PHLDB3: variants seen among roughly 807,000 people sequenced by gnomAD.
PHLDB3 encodes pleckstrin homology like domain family B member 3.
In PHLDB3, 86 loss-of-function variants were observed where a neutral mutation model predicts 85.7. That is an observed-to-expected ratio of 1.00 (90% confidence interval 0.84 to 1.20). The LOEUF (loss-of-function observed/expected upper bound fraction) is 1.20. PHLDB3 is among the 50% of genes most tolerant of loss of function. The probability of loss-of-function intolerance (pLI) is 0.00; values close to 1 mark genes in which losing one functional copy is unlikely to be tolerated. For missense variants in PHLDB3, 995 were observed against 873.0 expected (o/e 1.14, Z -1.76); for synonymous variants, 376 against 349.8 (o/e 1.07, Z -0.83).
rs781560567 is a variant in PHLDB3 at position 43,494,783 on chromosome 19, C to A, written c.1068G>T (p.Leu356=). ...GGGCCACGGCATCCTGGAGCACCAG[C>A]AGCTGGCGGTCTGTCTTCTGGGTGA... ...LLFTQKTDRQ[L]LVLQDAVAHS... The change falls in exon 9 of 16, where the codon CTG becomes CTT. Residue 356 remains leucine (L), a synonymous_variant. Transcript: ENST00000292140. The A allele has an allele frequency of 1.9e-6, 3 of 1,613,172 alleles. No homozygotes were observed. The highest frequency in any genetic ancestry group is 2.2e-5 in the South Asian group (2 of 90,880).
At chr19:43,495,216 T>C in intron 8 of PHLDB3, 40 bp downstream of exon 8, 1 of 1,583,780 alleles carries the variant, frequency 6.3e-7, no homozygotes, top group South Asian at 1.1e-5. Context: ...CTTTCAAGTC[T>C]GAGGGAGGAG....
At chr19:43,492,660 G>A (rs975592790) in intron 9 of PHLDB3, among the ~76,000 whole-genome samples, 1 of 148,726 alleles carries the variant, frequency 6.7e-6, no homozygotes, top group African/African-American at 2.5e-5. Context: ...AAGAACCTAA[G>A]TTCTGAAAAC....
intron 9 of PHLDB3, among the ~76,000 whole-genome samples, chr19:43,488,474 CAAA>C (rs1307337273): frequency 6.6e-6 from 1 of 151,734 alleles, no homozygotes; most frequent in African/African-American, 2.4e-5. Context: ...ATAAGTAAAA[CAAA>C]AAAACAAAAA....
At chr19:43,495,082 G>A (rs1377012921) in intron 8 of PHLDB3, among the ~76,000 whole-genome samples, 174 bp downstream of exon 8, 2 of 150,592 alleles carry the variant, frequency 1.3e-5, no homozygotes, top group African/African-American at 4.9e-5. Context: ...TGAGAGAGGA[G>A]GGGCTGGGGC....
chr19:43,486,242 CGT>C, intron 13 of PHLDB3, 22 bp downstream of exon 13: 1 of 1,439,286 alleles, frequency 6.9e-7, no homozygotes, highest in Non-Finnish European at 9.4e-7. Context: ...GAGAGGTGGG[CGT>C]GAGGGCGGGG....
intron 13 of PHLDB3, among the ~76,000 whole-genome samples, chr19:43,481,590 C>G (rs1483711291): frequency 2.6e-5 from 4 of 151,680 alleles, no homozygotes; most frequent in Non-Finnish European, 5.9e-5. Flanking sequence ...TGCACTCCAG[C>G]CTTGGCAACA....
chr19:43,491,949 T>C (rs398040830), intron 9 of PHLDB3, among the ~76,000 whole-genome samples: 4 of 133,672 alleles, frequency 3.0e-5, no homozygotes, highest in East Asian at 4.5e-4. Flanking sequence ...CTGGCCGTTT[T>C]TTTTTTTTTG....
At chr19:43,493,311 T>TAAATAAAC (rs1341159257) in intron 9 of PHLDB3, among the ~76,000 whole-genome samples, 3 of 149,034 alleles carry the variant, frequency 2.0e-5, no homozygotes, top group Admixed American at 6.8e-5. Context: ...AATAAATAAA[T>TAAATAAAC]AAATAAAATA....
chr19:43,479,694 C>G, intron 13 of PHLDB3, 101 bp from the exon 14 acceptor site: 5 of 751,302 alleles, frequency 6.7e-6, no homozygotes, highest in Non-Finnish European at 1.1e-5. Flanking sequence ...CATGTAAGGC[C>G]CGCTACAGCC....
Position 43,503,927 on chromosome 19 carries a change from G to A in PHLDB3, c.192C>T (p.Ser64=). Residue 64 remains serine, a synonymous_variant, in exon 2 of 16, where the codon AGC becomes AGT. Coordinates refer to ENST00000292140, the MANE Select transcript of PHLDB3 (RefSeq NM_198850.4). ...TCACCGCGTCGCGGCTGCTCTCAGT[G>A]CTGCTGCCTTCTCCCACTTCTTCTT... ...AEEEEVGEGS[S]TESSRDAPEA... is the part of the protein sequence containing the mutation. 6.2e-7 allele frequency: 1 copy of A among 1,613,874 alleles called. No individual in the cohort carries two copies.
Position 43,481,428 on chromosome 19 carries a change from G to A in PHLDB3, c.1486-1835C>T, listed in dbSNP as rs181615769. On this transcript the variant is annotated intron_variant, in intron 13 of 15. Coordinates refer to ENST00000292140, the MANE Select transcript of PHLDB3 (RefSeq NM_198850.4). ...GAGGTTGGGAGTTTGAGACCAGCCT[G>A]ACCAACATGGAGAAACCCTGTCTCT... Among the ~76,000 whole-genome samples the A allele has an allele frequency of 1.1e-4, 17 of 152,344 alleles. No homozygotes were observed. The East Asian group carries it at 3.3e-3, about 29-fold the overall frequency.
At chr19:43,497,686 T>C (rs757922818) in intron 5 of PHLDB3, 62 bp downstream of exon 5, 14 of 1,518,208 alleles carry the variant, frequency 9.2e-6, no homozygotes, top group Non-Finnish European at 1.2e-5. Flanking sequence ...CACTCCAGCC[T>C]GGGCAACGAG....
At chr19:43,488,609 A>G (rs1207640690) in intron 9 of PHLDB3, among the ~76,000 whole-genome samples, 2 of 152,110 alleles carry the variant, frequency 1.3e-5, no homozygotes, top group Non-Finnish European at 2.9e-5. Context: ...TGAATGACAA[A>G]TGCATAAACC....
chr19:43,496,992 GC>G, intron 6 of PHLDB3, 125 bp downstream of exon 6: 1 of 1,241,408 alleles, frequency 8.1e-7, no homozygotes, highest in Non-Finnish European at 1.0e-6. Context: ...ATTAGTATCA[GC>G]TCTTGTTGTT....
intron 12 of PHLDB3, 69 bp from the exon 13 acceptor site, chr19:43,486,391 T>A (rs979744132): frequency 1.4e-6 from 2 of 1,456,450 alleles, no homozygotes; most frequent in Non-Finnish European, 1.9e-6. Context: ...CTGGAGAATG[T>A]CCTAGCTTCT....
chr19:43,501,811 G>T lies in PHLDB3; in HGVS notation c.457C>A (p.Arg153=). The change falls in exon 4 of 16, where the codon CGG becomes AGG. Residue 153 remains arginine (R), a synonymous_variant. Coordinates refer to ENST00000292140, the MANE Select transcript of PHLDB3 (RefSeq NM_198850.4). ...AGCTCCCGCAGCTGCTCCTCCTCCC[G>T]GCGAGCGGCCACTCGCTCCCCAGCC... ...ELAGERVAAR[R]EEEQLRELLE... 3.1e-6 allele frequency: 5 copies of T among 1,588,264 alleles called. No homozygotes were observed. The highest frequency in any genetic ancestry group is 4.3e-6 in the Non-Finnish European group (5 of 1,168,670).
At chr19:43,478,199 G>A in intron 14 of PHLDB3, 67 bp from the exon 15 acceptor site, 1 of 1,261,816 alleles carries the variant, frequency 7.9e-7, no homozygotes, top group Non-Finnish European at 1.1e-6. Context: ...TCGAGGTGAG[G>A]GTCATTGGCC....
intron 15 of PHLDB3, among the ~76,000 whole-genome samples, chr19:43,476,569 A>C (rs1270950977): frequency 2.6e-5 from 4 of 152,154 alleles, no homozygotes; most frequent in Non-Finnish European, 1.5e-5. Context: ...AGGCTGAGGC[A>C]GGAGGATTGC....
At chr19:43,478,951 G>A (rs2122458896) in intron 14 of PHLDB3, among the ~76,000 whole-genome samples, 1 of 152,120 alleles carries the variant, frequency 6.6e-6, no homozygotes, top group East Asian at 1.9e-4. Context: ...AAAAAAAAGT[G>A]TCCAAGGAGA....
Sources: gnomAD v4.1 joint callset for allele counts (sites outside exome capture counted in the v4.1 genomes callset) on GRCh38, gnomAD v4.1.1 for gene constraint, MANE v1.5 for transcripts, NCBI Gene and HGNC (gene_info 2026-07-23, HGNC 2026-07-21) for gene names.